Variants in NXPH1 observed in about 807,000 individuals in gnomAD.
NXPH1 encodes the protein neurexophilin 1.
NXPH1 carries 5 observed loss-of-function variants against 23.7 expected under a neutral mutation model. The ratio of observed to expected loss-of-function variants is 0.21; its 90% CI spans 0.11 to 0.44. The LOEUF is 0.44. NXPH1 is among the 20% of genes least tolerant of loss of function. NXPH1 has a pLI of 0.99. For synonymous variants in NXPH1, 144 were observed against 122.2 expected (o/e 1.18, Z -1.18); for missense variants, 324 against 321.6 (o/e 1.01, Z -0.06).
At chr7:8,524,995 G>T (rs1817839754) in intron 2 of NXPH1, among the ~76,000 whole-genome samples, 2 of 152,194 alleles carry the variant, frequency 1.3e-5, no homozygotes, top group African/African-American at 4.8e-5. Context: ...AGTGACTTTG[G>T]AACTCGTAAA....
intron 2 of NXPH1, among the ~76,000 whole-genome samples, chr7:8,631,031 G>A (rs1820117416): frequency 6.6e-6 from 1 of 152,186 alleles, no homozygotes; most frequent in Non-Finnish European, 1.5e-5. Context: ...GTGGTATTTG[G>A]TTTTCTGTTC....
At chr7:8,462,072 G>A (rs201079011) in intron 2 of NXPH1, among the ~76,000 whole-genome samples, 3 of 144,858 alleles carry the variant, frequency 2.1e-5, no homozygotes, top group African/African-American at 7.9e-5. Flanking sequence ...TTTTTTGAGA[G>A]AGTCTCACTC....
rs540413677 is a variant in NXPH1 at position 8,723,427 on chromosome 7, T to C, written c.55-27581T>C. ...TACTCACTATTTTATTAAGTTTTGC[T>C]AATGTTTGTCAAGCCCCCCAAAATA... On this transcript the variant is annotated intron_variant, in intron 2 of 2. Coordinates refer to ENST00000405863, the MANE Select transcript of NXPH1 (RefSeq NM_152745.3). Among the ~76,000 whole-genome samples, 12 of 152,364 alleles carry C rather than the reference T, an allele frequency of 7.9e-5. 1 individual carries two copies. In the South Asian group the frequency reaches 1.0e-3, roughly 13 times the overall value.
intron 2 of NXPH1, among the ~76,000 whole-genome samples, chr7:8,469,186 A>G (rs1816831351): frequency 6.6e-6 from 1 of 152,052 alleles, no homozygotes; most frequent in South Asian, 2.1e-4. Flanking sequence ...TTAAAAAAGT[A>G]CCATTATAGT....
intron 2 of NXPH1, among the ~76,000 whole-genome samples, chr7:8,471,542 C>G (rs1816872122): frequency 6.6e-6 from 1 of 152,144 alleles, no homozygotes; most frequent in African/African-American, 2.4e-5. Flanking sequence ...CAGACAACCT[C>G]CCTTAGGAAC....
Position 8,454,786 on chromosome 7 carries a change from C to T in NXPH1, c.54+19019C>T, listed in dbSNP as rs538779570. 8.5e-5 allele frequency among the ~76,000 whole-genome samples: 13 copies of T among 152,206 alleles called. No homozygotes were observed. In the East Asian group the frequency reaches 1.4e-3, roughly 16 times the overall value. Reference sequence around the variant, plus strand: ...ATCCCGTGATTGAAACTAGAGTCCACGTACCTATTGGGCAATATGACACTC... The same window carrying T: ...ATCCCGTGATTGAAACTAGAGTCCATGTACCTATTGGGCAATATGACACTC... On this transcript the variant is annotated intron_variant, in intron 2 of 2. Transcript: ENST00000405863.
At chr7:8,490,804 T>A (rs533675946) in intron 2 of NXPH1, among the ~76,000 whole-genome samples, 26 of 152,202 alleles carry the variant, frequency 1.7e-4, no homozygotes, top group Admixed American at 9.2e-4. Flanking sequence ...GCGATATAAT[T>A]TAATCACAAC....
At chr7:8,601,812 C>G (rs776442691) in intron 2 of NXPH1, among the ~76,000 whole-genome samples, 2 of 152,144 alleles carry the variant, frequency 1.3e-5, no homozygotes, top group African/African-American at 4.8e-5. Flanking sequence ...CTCAGAGCCA[C>G]AATGCTATTC....
chr7:8,543,529 A>G (rs1818150728), intron 2 of NXPH1, among the ~76,000 whole-genome samples: 1 of 151,622 alleles, frequency 6.6e-6, no homozygotes, highest in Non-Finnish European at 1.5e-5. Context: ...ATCCTCAAAA[A>G]TCCCAGACCA....
intron 2 of NXPH1, among the ~76,000 whole-genome samples, chr7:8,655,150 C>T (rs895946031): frequency 6.6e-6 from 1 of 151,956 alleles, no homozygotes; most frequent in African/African-American, 2.4e-5. Context: ...TTTGGGAGGC[C>T]AAGGTAGGTG....
intron 2 of NXPH1, among the ~76,000 whole-genome samples, chr7:8,521,688 T>C (rs543703112): frequency 6.6e-6 from 1 of 152,326 alleles, no homozygotes; most frequent in East Asian, 1.9e-4. Flanking sequence ...TTAGACATCA[T>C]TGCATAGTCT....
chr7:8,565,817 T>G (rs1195984053), intron 2 of NXPH1, among the ~76,000 whole-genome samples: 2 of 151,820 alleles, frequency 1.3e-5, no homozygotes, highest in African/African-American at 2.4e-5. Context: ...TGGGTTTGGC[T>G]TTCTATTTCT....
chr7:8,662,320 C>G (rs1317328241), intron 2 of NXPH1, among the ~76,000 whole-genome samples: 1 of 151,850 alleles, frequency 6.6e-6, no homozygotes, highest in Non-Finnish European at 1.5e-5. Flanking sequence ...ATATTGATGC[C>G]TTGTGATTCC....
At chr7:8,702,351 CTT>C (rs1185866953) in intron 2 of NXPH1, among the ~76,000 whole-genome samples, 1 of 152,016 alleles carries the variant, frequency 6.6e-6, no homozygotes, top group African/African-American at 2.4e-5. Flanking sequence ...TAAAATAAAA[CTT>C]AAAAAAATTA....
rs34098217 is a variant in NXPH1 at position 8,448,818 on chromosome 7, GAAAA to G, written c.54+13071_54+13074del. On this transcript the variant is annotated intron_variant, in intron 2 of 2. Transcript: ENST00000405863. ...AGACAGAGCAAGACTTCGTCTCGGGGAAAAAAAAAAAAAAAAAAAAAAAGGACAT... is the reference window on the plus strand; with the variant it reads ...AGACAGAGCAAGACTTCGTCTCGGGGAAAAAAAAAAAAAAAAAAAGGACAT... Among the ~76,000 whole-genome samples, 155 of 106,064 alleles carry G rather than the reference GAAAA, an allele frequency of 1.5e-3. No homozygotes were observed. In the East Asian group the frequency reaches 0.026, roughly 18 times the overall value. The allele number at this position is 106,064 out of a possible 152,430, so 69.6% of individuals were successfully genotyped here.
chr7:8,612,041 T>G (rs1562425679), intron 2 of NXPH1, among the ~76,000 whole-genome samples: 1 of 152,090 alleles, frequency 6.6e-6, no homozygotes, highest in East Asian at 1.9e-4. Flanking sequence ...TAATAAAGAA[T>G]ATCAAGAACT....
chr7:8,495,174 A>G (rs1448416744), intron 2 of NXPH1, among the ~76,000 whole-genome samples: 1 of 151,868 alleles, frequency 6.6e-6, no homozygotes, highest in Non-Finnish European at 1.5e-5. Flanking sequence ...TGGAGTTTGT[A>G]GGGCAGGTTG....
At chr7:8,682,135 G>A (rs1821063873) in intron 2 of NXPH1, among the ~76,000 whole-genome samples, 1 of 152,152 alleles carries the variant, frequency 6.6e-6, no homozygotes, top group Non-Finnish European at 1.5e-5. Flanking sequence ...CATTGAAAGG[G>A]CAAGGGAGGG....
intron 2 of NXPH1, among the ~76,000 whole-genome samples, chr7:8,745,100 G>A (rs966371185): frequency 2.5e-4 from 38 of 152,278 alleles, no homozygotes; most frequent in African/African-American, 8.9e-4. Flanking sequence ...CGATTTGGCC[G>A]TAGCCTGCCT....
Sources: gnomAD v4.1 joint callset for allele counts (sites outside exome capture counted in the v4.1 genomes callset) on GRCh38, gnomAD v4.1.1 for gene constraint, MANE v1.5 for transcripts, NCBI Gene and HGNC (gene_info 2026-07-23, HGNC 2026-07-21) for gene names.